Variants in RBFOX1 observed in about 807,000 individuals in gnomAD.
RBFOX1 encodes the protein RNA binding protein fox-1 homolog 1.
RBFOX1 carries 8 observed loss-of-function variants against 57.7 expected under a neutral mutation model. The observed-to-expected ratio is 0.14, with a 90% CI of 0.08 to 0.25. RBFOX1 has a LOEUF of 0.25. RBFOX1 is among the 10% of genes least tolerant of loss of function. The pLI is 1.00. For missense variants in RBFOX1, 611 were observed against 548.5 expected (o/e 1.11, Z -1.14); for synonymous variants, 326 against 222.4 (o/e 1.47, Z -4.15).
chr16:7,270,474 C>T (rs1023306804), intron 4 of RBFOX1, among the ~76,000 whole-genome samples: 7 of 152,136 alleles, frequency 4.6e-5, no homozygotes, highest in African/African-American at 1.7e-4. Context: ...AGAAGTTTAA[C>T]GCATGTAAGA....
chr16:6,905,896 C>T (rs1380109312), intron 3 of RBFOX1, among the ~76,000 whole-genome samples: 2 of 152,156 alleles, frequency 1.3e-5, no homozygotes, highest in Non-Finnish European at 2.9e-5. Context: ...AGTGAGTGTC[C>T]ACAGGCTTTC....
At chr16:7,368,040 G>A (rs1258597504) in intron 4 of RBFOX1, among the ~76,000 whole-genome samples, 1 of 152,112 alleles carries the variant, frequency 6.6e-6, no homozygotes, top group Admixed American at 6.6e-5. Flanking sequence ...GCCGAGGATG[G>A]TGAATCAGCT....
At chr16:7,109,994 C>T (rs377177037) in intron 4 of RBFOX1, among the ~76,000 whole-genome samples, 10 of 151,986 alleles carry the variant, frequency 6.6e-5, no homozygotes, top group Admixed American at 6.6e-5. Flanking sequence ...ACAAACAAGC[C>T]TGATTATCTT....
intron 4 of RBFOX1, among the ~76,000 whole-genome samples, chr16:7,354,894 A>T (rs1256012515): frequency 6.6e-6 from 1 of 152,204 alleles, no homozygotes; most frequent in African/African-American, 2.4e-5. Context: ...ATGCTAAAAG[A>T]TTAAATTAAT....
chr16:6,234,986 A>T (rs2097494372), intron 1 of RBFOX1, among the ~76,000 whole-genome samples: 1 of 152,186 alleles, frequency 6.6e-6, no homozygotes, highest in Admixed American at 6.5e-5. Flanking sequence ...ACTTTTGCAG[A>T]TTCCTTTGAG....
At chr16:7,017,602 T>TCAAG (rs1221855431) in intron 3 of RBFOX1, among the ~76,000 whole-genome samples, 2 of 152,248 alleles carry the variant, frequency 1.3e-5, no homozygotes, top group Non-Finnish European at 2.9e-5. Flanking sequence ...GAGGCTGGGG[T>TCAAG]CAAGGTACAT....
chr16:5,911,086 G>C (rs1399600985), intron 4 of RBFOX1, among the ~76,000 whole-genome samples: 2 of 152,124 alleles, frequency 1.3e-5, no homozygotes, highest in Non-Finnish European at 2.9e-5. Context: ...TCTGCTTCTA[G>C]GGGAACAGAA....
chr16:6,729,927 A>G (rs1384190835), intron 3 of RBFOX1, among the ~76,000 whole-genome samples: 1 of 152,094 alleles, frequency 6.6e-6, no homozygotes, highest in Non-Finnish European at 1.5e-5. Context: ...AGGATGCCCG[A>G]CTCCGAGAAG....
Position 6,202,730 on chromosome 16 carries a change from C to A in RBFOX1, c.-126-114265C>A, listed in dbSNP as rs568346669. The stretch of plus-strand genomic sequence containing the variant: ...ATGCTGTATATTTGTATTTATCCAT[C>A]ACCTCCAAAAGCCTCCTCCCACGTT... On this transcript the variant is annotated intron_variant, in intron 1 of 15. Transcript: ENST00000550418. Among the ~76,000 whole-genome samples the A allele has an allele frequency of 3.3e-5, 5 of 152,262 alleles. No individual in the cohort carries two copies. In the South Asian group the frequency reaches 1.0e-3, roughly 32 times the overall value.
At chr16:5,851,622 G>T (rs1172073736) in intron 3 of RBFOX1, among the ~76,000 whole-genome samples, 3 of 152,212 alleles carry the variant, frequency 2.0e-5, no homozygotes, top group Non-Finnish European at 2.9e-5. Flanking sequence ...TTGCAATGGG[G>T]AGAGCAGAGA....
chr16:7,257,643 C>T (rs1157800249), intron 4 of RBFOX1, among the ~76,000 whole-genome samples: 1 of 152,164 alleles, frequency 6.6e-6, no homozygotes, highest in African/African-American at 2.4e-5. Context: ...TGAGATTGTA[C>T]TCCCAACCCT....
chr16:6,087,453 C>T (rs796853379), intron 1 of RBFOX1, among the ~76,000 whole-genome samples: 7 of 152,224 alleles, frequency 4.6e-5, no homozygotes, highest in African/African-American at 1.4e-4. Flanking sequence ...CTATTGCTAA[C>T]ACTTTCTAGC....
At chr16:5,643,344 C>A (rs572697615) in intron 3 of RBFOX1, among the ~76,000 whole-genome samples, 78 of 152,282 alleles carry the variant, frequency 5.1e-4, no homozygotes, top group African/African-American at 1.8e-3. Context: ...TCCCTCTGGG[C>A]ACCCAGGAAG....
chr16:5,444,137 C>G (rs182872317), intron 1 of RBFOX1, among the ~76,000 whole-genome samples: 1 of 152,148 alleles, frequency 6.6e-6, no homozygotes, highest in Non-Finnish European at 1.5e-5. Context: ...ATTATAATCT[C>G]AAAATAAGAG....
chr16:5,826,160 C>A (rs2056045009), intron 3 of RBFOX1, among the ~76,000 whole-genome samples: 1 of 146,806 alleles, frequency 6.8e-6, no homozygotes. Flanking sequence ...TTATATATAA[C>A]ATATTATTCT....
At chr16:7,185,719 G>A (rs1207769323) in intron 4 of RBFOX1, among the ~76,000 whole-genome samples, 1 of 152,200 alleles carries the variant, frequency 6.6e-6, no homozygotes, top group Admixed American at 6.5e-5. Context: ...ACCACTGAAA[G>A]TGGTAAATGA....
At chr16:5,702,748 T>A (rs1168840333) in intron 3 of RBFOX1, among the ~76,000 whole-genome samples, 1 of 152,176 alleles carries the variant, frequency 6.6e-6, no homozygotes, top group Non-Finnish European at 1.5e-5. Flanking sequence ...GGGAATAGAT[T>A]GAGATGCATG....
At chr16:7,199,590 G>C (rs1315502593) in intron 4 of RBFOX1, among the ~76,000 whole-genome samples, 3 of 152,116 alleles carry the variant, frequency 2.0e-5, no homozygotes, top group Non-Finnish European at 4.4e-5. Context: ...ATCAGGGCTG[G>C]GATGAAATTA....
intron 1 of RBFOX1, among the ~76,000 whole-genome samples, chr16:5,391,115 G>GGT (rs2066396373): frequency 6.6e-6 from 1 of 152,182 alleles, no homozygotes. Context: ...AGCAAAACCA[G>GGT]ACATACACGT....
Sources: allele counts gnomAD v4.1 joint callset (sites outside exome capture counted in the v4.1 genomes callset), GRCh38; gene constraint gnomAD v4.1.1; transcripts MANE v1.5; gene names NCBI Gene and HGNC (gene_info 2026-07-23, HGNC 2026-07-21).